MEF2A: variants seen among roughly 807,000 people sequenced by gnomAD.
The protein encoded by MEF2A is myocyte enhancer factor 2A, also known as myocyte-specific enhancer factor 2A.
Under a neutral mutation model 55.8 loss-of-function variants are expected in MEF2A, and 28 were observed. The observed-to-expected ratio is 0.50, with a 90% CI of 0.37 to 0.69. MEF2A has a LOEUF of 0.69. Among genes scored for constraint, MEF2A ranks in the 30% least tolerant of loss-of-function variants. The pLI is 0.00. For synonymous variants in MEF2A, 239 were observed against 227.1 expected (o/e 1.05, Z -0.47); for missense variants, 528 against 626.2 (o/e 0.84, Z 1.67).
intron 7 of MEF2A, among the ~76,000 whole-genome samples, chr15:99,683,425 G>C (rs1460044575): frequency 6.6e-6 from 1 of 152,168 alleles, no homozygotes; most frequent in Non-Finnish European, 1.5e-5. Context: ...TTGTTTGTTT[G>C]AGACAGGATC....
chr15:99,688,123 T>A (rs1339125276), intron 7 of MEF2A, among the ~76,000 whole-genome samples: 1 of 152,238 alleles, frequency 6.6e-6, no homozygotes, highest in East Asian at 1.9e-4. Flanking sequence ...ACTTTGAAAT[T>A]GAAATACCAC....
At chr15:99,674,342 G>C (rs1269308951) in intron 5 of MEF2A, 51 bp from the exon 6 acceptor site, 2 of 1,506,844 alleles carry the variant, frequency 1.3e-6, no homozygotes, top group African/African-American at 2.8e-5. Flanking sequence ...AAGTTACTTT[G>C]TAGATGAATA....
chr15:99,583,458 AG>A (rs1295448911), intron 1 of MEF2A, among the ~76,000 whole-genome samples: 3 of 152,150 alleles, frequency 2.0e-5, no homozygotes, highest in African/African-American at 7.2e-5. Flanking sequence ...GAAGTACAAA[AG>A]ATTACATTTT....
intron 1 of MEF2A, among the ~76,000 whole-genome samples, chr15:99,579,306 G>T (rs1965245274): frequency 1.4e-5 from 2 of 146,194 alleles, no homozygotes; most frequent in Non-Finnish European, 1.5e-5. Flanking sequence ...CTGCTTTAGG[G>T]TTTTTTTTTT....
chr15:99,577,088 G>A (rs1964536126), intron 1 of MEF2A, among the ~76,000 whole-genome samples: 1 of 152,108 alleles, frequency 6.6e-6, no homozygotes, highest in Non-Finnish European at 1.5e-5. Context: ...ACCTTTCTGG[G>A]CATCACTTTA....
At chr15:99,572,226 C>T (rs1297517421) in intron 1 of MEF2A, among the ~76,000 whole-genome samples, 1 of 152,144 alleles carries the variant, frequency 6.6e-6, no homozygotes, top group East Asian at 1.9e-4. Context: ...ACGAAGGCCT[C>T]TCAGTGTTTC....
chr15:99,596,529 A>G (rs562474735), intron 1 of MEF2A, among the ~76,000 whole-genome samples: 13 of 152,300 alleles, frequency 8.5e-5, no homozygotes, highest in African/African-American at 2.9e-4. Context: ...CCGTTTCCAA[A>G]TAGAAACAAA....
Position 99,569,500 on chromosome 15 carries a change from C to G in MEF2A, c.-225+3396C>G, listed in dbSNP as rs191997049. 3.1e-3 allele frequency among the ~76,000 whole-genome samples: 470 copies of G among 152,330 alleles called. 3 individuals are homozygous for G. Among genetic ancestry groups the G allele is most frequent in the African/African-American group, 0.011 (451 of 41,576 alleles). ...GATTATACATAAAACGCTTAATTGG[C>G]TGTTTTAAAACATTAGAATTTTGAT... On this transcript the variant is annotated intron_variant, in intron 1 of 11. Transcript: ENST00000557942.
rs553199712 is a variant in MEF2A at position 99,715,666 on chromosome 15, G to A, written c.*2895G>A. Reference sequence around the variant, plus strand: ...CGTCTTTTCTTACCCTTTTAGACTCGTGTTTTGTATGAGACACCATTGCAA... The same window carrying A: ...CGTCTTTTCTTACCCTTTTAGACTCATGTTTTGTATGAGACACCATTGCAA... On this transcript the variant is annotated 3_prime_UTR_variant, in exon 12 of 12. Coordinates refer to ENST00000557942, the MANE Select transcript of MEF2A (RefSeq NM_001319206.4). 1.3e-5 allele frequency: 2 copies of A among 152,200 alleles called. No homozygotes were observed. Among genetic ancestry groups the A allele is most frequent in the African/African-American group, 4.8e-5 (2 of 41,510 alleles). 9.4% of individuals were successfully genotyped at this position (152,200 alleles called of 1,614,324 possible).
At chr15:99,672,437 A>G (rs1390229179) in intron 5 of MEF2A, among the ~76,000 whole-genome samples, 1 of 152,228 alleles carries the variant, frequency 6.6e-6, no homozygotes, top group Non-Finnish European at 1.5e-5. Context: ...AAGAATTCTC[A>G]CTGGAAGCTC....
intron 1 of MEF2A, among the ~76,000 whole-genome samples, chr15:99,592,465 T>A (rs1251982798): frequency 6.6e-6 from 1 of 152,180 alleles, no homozygotes; most frequent in Non-Finnish European, 1.5e-5. Context: ...TTAAATGTGC[T>A]GTATGTGCAA....
At chr15:99,616,616 G>C (rs906589900) in intron 2 of MEF2A, among the ~76,000 whole-genome samples, 3 of 152,070 alleles carry the variant, frequency 2.0e-5, no homozygotes, top group Non-Finnish European at 4.4e-5. Flanking sequence ...CTGGTTTTTG[G>C]AATACTCTGT....
At chr15:99,664,984 TA>T (rs1357343424) in intron 4 of MEF2A, among the ~76,000 whole-genome samples, 8 of 152,186 alleles carry the variant, frequency 5.3e-5, no homozygotes, top group Admixed American at 6.5e-5. Flanking sequence ...CATTTATAGT[TA>T]AAGAATGCAG....
intron 2 of MEF2A, among the ~76,000 whole-genome samples, chr15:99,607,769 T>A (rs1975675040): frequency 6.6e-6 from 1 of 152,208 alleles, no homozygotes; most frequent in Admixed American, 6.5e-5. Context: ...GACAGGACGT[T>A]GTTCTTTATG....
rs1295269348 is a variant in MEF2A, at chr15:99,713,292, C to T, written c.*521C>T. Reference sequence around the variant, plus strand: ...TCCAACCTGGCATGGGTGTCTGTTGCAAAGGGGTGCATGGGAAAGGGCTGT... The same window carrying T: ...TCCAACCTGGCATGGGTGTCTGTTGTAAAGGGGTGCATGGGAAAGGGCTGT... On this transcript the variant is annotated 3_prime_UTR_variant, in exon 12 of 12. Transcript: ENST00000557942. 3.0e-6 allele frequency: 1 copy of T among 333,572 alleles called. No individual in the cohort carries two copies. The highest frequency in any genetic ancestry group is 5.4e-6 in the Non-Finnish European group (1 of 186,458). 20.7% of individuals were successfully genotyped at this position (333,572 alleles called of 1,614,324 possible).
At chr15:99,591,406 T>C (rs1317082004) in intron 1 of MEF2A, among the ~76,000 whole-genome samples, 1 of 152,182 alleles carries the variant, frequency 6.6e-6, no homozygotes, top group Non-Finnish European at 1.5e-5. Flanking sequence ...TGGTAATTAT[T>C]ATCTTTGTTC....
intron 2 of MEF2A, among the ~76,000 whole-genome samples, chr15:99,622,789 G>A (rs1230006456): frequency 3.4e-5 from 5 of 147,736 alleles, no homozygotes; most frequent in Non-Finnish European, 4.5e-5. Flanking sequence ...TGCAAGCTCC[G>A]CCTCCCGGGT....
intron 3 of MEF2A, among the ~76,000 whole-genome samples, chr15:99,633,507 TATTG>T (rs2043261711): frequency 6.6e-6 from 1 of 152,200 alleles, no homozygotes; most frequent in Non-Finnish European, 1.5e-5. Context: ...GTCTTTTTTA[TATTG>T]ATTATTTTTA....
At chr15:99,629,613 G>A (rs528633675) in intron 2 of MEF2A, among the ~76,000 whole-genome samples, 2 of 148,404 alleles carry the variant, frequency 1.3e-5, no homozygotes, top group South Asian at 4.3e-4. Flanking sequence ...ATAACGCCTG[G>A]TACTGTGGCG....
Sources: allele counts gnomAD v4.1 joint callset (sites outside exome capture counted in the v4.1 genomes callset), GRCh38; gene constraint gnomAD v4.1.1; transcripts MANE v1.5; gene names NCBI Gene and HGNC (gene_info 2026-07-23, HGNC 2026-07-21).